The following OXCT1 variants were observed in gnomAD, a reference collection of about 807,000 sequenced individuals.
OXCT1 encodes the protein succinyl-CoA:3-ketoacid coenzyme A transferase 1, mitochondrial.
In OXCT1, 27 loss-of-function variants were observed where a neutral mutation model predicts 69.6. The observed-to-expected ratio is 0.39, with a 90% CI of 0.29 to 0.54. The LOEUF (loss-of-function observed/expected upper bound fraction) is 0.54, where lower values mean the gene tolerates loss of function less well. OXCT1 is among the 20% of genes least tolerant of loss of function. OXCT1 has a pLI of 0.72. For synonymous variants in OXCT1, 202 were observed against 217.8 expected (o/e 0.93, Z 0.64); for missense variants, 437 against 650.2 (o/e 0.67, Z 3.57).
chr5:41,746,504 C>A (rs1360153352), intron 15 of OXCT1, among the ~76,000 whole-genome samples: 2 of 152,082 alleles, frequency 1.3e-5, no homozygotes, highest in African/African-American at 2.4e-5. Flanking sequence ...TTATTGAGCA[C>A]CTACTATGCA....
At chr5:41,836,207 CCTCA>C (rs557776775) in intron 7 of OXCT1, among the ~76,000 whole-genome samples, 49 of 152,224 alleles carry the variant, frequency 3.2e-4, no homozygotes, top group Admixed American at 1.6e-3. Flanking sequence ...AAGACTTCAC[CCTCA>C]CTCAAAGAGA....
chr5:41,850,841 T>G (rs1445713947), intron 4 of OXCT1, among the ~76,000 whole-genome samples: 1 of 152,182 alleles, frequency 6.6e-6, no homozygotes, highest in African/African-American at 2.4e-5. Context: ...TACCAGTGAT[T>G]TCAAGACTAG....
At chr5:41,847,665 A>G (rs1162001929) in intron 5 of OXCT1, among the ~76,000 whole-genome samples, 1 of 152,136 alleles carries the variant, frequency 6.6e-6, no homozygotes, top group Admixed American at 6.6e-5. Flanking sequence ...TATAAACAGA[A>G]CCAAAGACAA....
chr5:41,869,412 TC>T (rs1750168818), intron 1 of OXCT1, among the ~76,000 whole-genome samples: 1 of 152,150 alleles, frequency 6.6e-6, no homozygotes, highest in Non-Finnish European at 1.5e-5. Context: ...TGTAATTCGC[TC>T]CTAGGGCTCC....
chr5:41,870,394 G>C lies in OXCT1; in HGVS notation c.-36C>G, dbSNP rs1223150222. On this transcript the variant is annotated 5_prime_UTR_variant, in exon 1 of 17. Coordinates refer to ENST00000196371, the MANE Select transcript of OXCT1 (RefSeq NM_000436.4). The surrounding 1 kb of genome is among the most constrained non-coding windows in gnomAD (Gnocchi z 4.2). ...TGAGGCAGGAGGAGGCTGCGGGTTG[G>C]AGCGCGCGTTTGAGCGTCGGTGCGC... The C allele has an allele frequency of 3.8e-6, 6 of 1,559,986 alleles. No individual in the cohort carries two copies. Among genetic ancestry groups the C allele is most frequent in the Non-Finnish European group, 5.3e-6 (6 of 1,135,126 alleles).
intron 16 of OXCT1, among the ~76,000 whole-genome samples, chr5:41,737,545 C>T (rs1426276221): frequency 6.6e-6 from 1 of 152,166 alleles, no homozygotes; most frequent in Admixed American, 6.5e-5. Context: ...GCTTTTCTCA[C>T]TGGAGTGAGA....
In OXCT1 at chr5:41,730,278, A is replaced by AT. The variant is rs565744265; in HGVS notation, c.*1450dup. 8 of 152,130 alleles carry AT rather than the reference A, an allele frequency of 5.3e-5. No individual in the cohort carries two copies. The highest frequency in any genetic ancestry group is 1.4e-4 in the African/African-American group (6 of 41,430). 9.4% of individuals were successfully genotyped at this position (152,130 alleles called of 1,614,324 possible). ...GAACTTGCACATTCTAAGAAGGGTC[A>AT]TTTTTTCCCCCCAGTACTGGGAAGG... On this transcript the variant is annotated 3_prime_UTR_variant, in exon 17 of 17. Transcript: ENST00000196371.
rs770832107 is a variant in OXCT1, at chr5:41,842,767, A to T, written c.579T>A (p.Asn193Lys). The change falls in exon 6 of 17, where the codon AAT becomes AAA. Residue 193 changes from asparagine to lysine, a missense_variant. Around this residue, in one of 4 missense-constraint regions of OXCT1, gnomAD observed 252 missense variants for 397.4 expected, o/e 0.63. Coordinates refer to ENST00000196371, the MANE Select transcript of OXCT1 (RefSeq NM_000436.4). The part of the protein sequence containing the change: ...ASKPREVREF[N>K]GQHFILEEAI... ...CTTCCTCCAAAATAAAGTGCTGACCATTGAACTCCCTCACCTGCAGAAGAG... is the reference window on the plus strand; with the variant it reads ...CTTCCTCCAAAATAAAGTGCTGACCTTTGAACTCCCTCACCTGCAGAAGAG... 1 of 1,612,656 alleles carries T rather than the reference A, an allele frequency of 6.2e-7. No individual in the cohort carries two copies. The highest frequency in any genetic ancestry group is 8.5e-7 in the Non-Finnish European group (1 of 1,178,704).
intron 13 of OXCT1, among the ~76,000 whole-genome samples, chr5:41,769,732 A>T (rs1744792652): frequency 6.6e-6 from 1 of 152,040 alleles, no homozygotes; most frequent in Non-Finnish European, 1.5e-5. Flanking sequence ...AGTAAAAAAA[A>T]AATCACCTAT....
chr5:41,815,399 A>G (rs887517309), intron 7 of OXCT1, among the ~76,000 whole-genome samples: 2 of 152,056 alleles, frequency 1.3e-5, no homozygotes, highest in Non-Finnish European at 2.9e-5. Flanking sequence ...GGCTTGTCTC[A>G]AATTCCTGGG....
At chr5:41,764,748 A>G (rs1744514483) in intron 13 of OXCT1, among the ~76,000 whole-genome samples, 1 of 152,152 alleles carries the variant, frequency 6.6e-6, no homozygotes, top group Admixed American at 6.6e-5. Context: ...TTAAACCAAC[A>G]AAGGTATAAC....
intron 5 of OXCT1, among the ~76,000 whole-genome samples, chr5:41,848,740 G>T (rs1452649069): frequency 6.6e-6 from 1 of 151,844 alleles, no homozygotes; most frequent in Admixed American, 6.6e-5. Flanking sequence ...TATGTACAAA[G>T]CTGAAACTGG....
At chr5:41,755,619 A>T (rs967806080) in intron 14 of OXCT1, among the ~76,000 whole-genome samples, 36 of 152,138 alleles carry the variant, frequency 2.4e-4, no homozygotes, top group African/African-American at 8.7e-4. Flanking sequence ...AACACATTTC[A>T]TCCAAAATAA....
intron 1 of OXCT1, among the ~76,000 whole-genome samples, chr5:41,869,525 G>A (rs943639580): frequency 1.3e-5 from 2 of 152,204 alleles, no homozygotes; most frequent in African/African-American, 4.8e-5. Context: ...AGAGTCGGCA[G>A]TGGGGCACAA....
At chr5:41,844,947 A>G (rs2112418416) in intron 5 of OXCT1, among the ~76,000 whole-genome samples, 1 of 151,596 alleles carries the variant, frequency 6.6e-6, no homozygotes, top group Non-Finnish European at 1.5e-5. Flanking sequence ...CCTAGCAAAA[A>G]AAAAAAAAAA....
intron 16 of OXCT1, among the ~76,000 whole-genome samples, chr5:41,739,017 T>G (rs1743024971): frequency 6.6e-6 from 1 of 152,174 alleles, no homozygotes; most frequent in South Asian, 2.1e-4. Flanking sequence ...AAGTATCATT[T>G]CTCCATATGT....
intron 13 of OXCT1, among the ~76,000 whole-genome samples, chr5:41,768,932 G>A (rs1360677257): frequency 6.6e-6 from 1 of 152,036 alleles, no homozygotes; most frequent in Non-Finnish European, 1.5e-5. Flanking sequence ...TCACACCCCA[G>A]TTCCCATTTC....
chr5:41,820,203 T>C (rs536566681), intron 7 of OXCT1, among the ~76,000 whole-genome samples: 4 of 152,306 alleles, frequency 2.6e-5, no homozygotes, highest in African/African-American at 7.2e-5. Context: ...GTCAAAGATA[T>C]TGAGTTAAAA....
rs367774487 is a variant in OXCT1 at position 41,862,738 on chromosome 5, A to C, written c.91T>G (p.Ser31Ala). 22 of 1,606,846 alleles carry C rather than the reference A, an allele frequency of 1.4e-5. No individual in the cohort carries two copies. Among genetic ancestry groups the C allele is most frequent in the Non-Finnish European group, 1.7e-5 (20 of 1,173,582 alleles). ...TGGCGATGAGCACTGGTGGAAAAGG[A>C]ACAAACACATCCCTGAAATATTAAA... is the stretch of plus-strand genomic sequence containing the variant. ...GATWYKGCVC[S>A]FSTSAHRHTK... The change falls in exon 2 of 17, where the codon TCC becomes GCC. Residue 31 changes from serine to alanine, a missense_variant. This residue lies in a region of OXCT1 where 79 missense variants were observed against 61.5 expected (regional missense o/e 1.28). Transcript: ENST00000196371.
Sources: allele counts gnomAD v4.1 joint callset (sites outside exome capture counted in the v4.1 genomes callset), GRCh38; gene constraint gnomAD v4.1.1; regional missense constraint gnomAD v4.1.1; non-coding constraint Gnocchi (gnomAD v3.1); transcripts MANE v1.5; gene names NCBI Gene and HGNC (gene_info 2026-07-23, HGNC 2026-07-21).